ALLC: variants seen among roughly 807,000 people sequenced by gnomAD.
ALLC encodes the protein probable inactive allantoicase.
A neutral mutation model predicts 45.0 loss-of-function variants in ALLC; 40 were observed. The observed-to-expected ratio is 0.89, with a 90% CI of 0.69 to 1.16. The LOEUF (loss-of-function observed/expected upper bound fraction) is 1.16, where lower values mean the gene tolerates loss of function less well. ALLC is among the 50% of genes most tolerant of loss of function. ALLC has a pLI of 0.00. For missense variants in ALLC, 488 were observed against 493.1 expected (o/e 0.99, Z 0.10); for synonymous variants, 176 against 178.1 (o/e 0.99, Z 0.09).
In ALLC at chr2:3,696,182, G is replaced by T. The variant is rs1572532423; in HGVS notation, c.668-93G>T. 3 of 999,546 alleles carry T rather than the reference G, an allele frequency of 3.0e-6. No individual in the cohort carries two copies. The Admixed American group carries it at 7.4e-5, about 25-fold the overall frequency. The allele number at this position is 999,546 out of a possible 1,614,324, so 61.9% of individuals were successfully genotyped here. ...AAAATAACTTATGTAGCAATGCTCA[G>T]ATGCATAAGATCTGTAATTTAATTA... is the stretch of plus-strand genomic sequence containing the variant. On this transcript the variant is annotated intron_variant, in intron 8 of 11. Transcript: ENST00000252505.
At chr2:3,671,450 C>T (rs1029995465) in intron 2 of ALLC, among the ~76,000 whole-genome samples, 10 of 152,246 alleles carry the variant, frequency 6.6e-5, no homozygotes, top group African/African-American at 7.2e-5. Flanking sequence ...GATAGGCAGG[C>T]GGTCCTCTAG....
chr2:3,666,329 G>C (rs1666723640), intron 1 of ALLC, among the ~76,000 whole-genome samples: 1 of 152,238 alleles, frequency 6.6e-6, no homozygotes, highest in Non-Finnish European at 1.5e-5. Flanking sequence ...CCAGTGTTTT[G>C]TAGTGACTTA....
the ALLC span, among the ~76,000 whole-genome samples, chr2:3,649,534 C>T: frequency 6.7e-4 from 102 of 152,310 alleles, no homozygotes; most frequent in Middle Eastern, 3.4e-3. Context: ...AGCCACCGCG[C>T]CCGGCCCCCA....
intron 3 of ALLC, among the ~76,000 whole-genome samples, chr2:3,677,437 T>C (rs1350080768): frequency 6.6e-6 from 1 of 152,212 alleles, no homozygotes; most frequent in Non-Finnish European, 1.5e-5. Context: ...GTGATTTGAT[T>C]GTAATAACAT....
chr2:3,672,774 G>C lies in ALLC; in HGVS notation c.34-1301G>C, dbSNP rs983707485. On this transcript the variant is annotated intron_variant, in intron 2 of 11. Coordinates refer to ENST00000252505, the MANE Select transcript of ALLC (RefSeq NM_018436.4). ...GAGGTCCTCTGGCTCTGGTTAGATC[G>C]GAGGTCCTCTGGCTGTAGTTAGACC... Among the ~76,000 whole-genome samples, 7 of 151,972 alleles carry C rather than the reference G, an allele frequency of 4.6e-5. No individual in the cohort carries two copies. The South Asian group carries it at 1.3e-3, about 27-fold the overall frequency.
In ALLC at chr2:3,671,759, C is replaced by G. The variant is rs868480589; in HGVS notation, c.33+569C>G. On this transcript the variant is annotated intron_variant, in intron 2 of 11. Coordinates refer to ENST00000252505, the MANE Select transcript of ALLC (RefSeq NM_018436.4). ...GGAGGTCCTCTGGCTCTGGTTAGAT[C>G]GGAGGTCCTCTGGCTCTGGTTAGAT... Among the ~76,000 whole-genome samples, 708 of 79,194 alleles carry G rather than the reference C, an allele frequency of 8.9e-3. 7 individuals are homozygous for G. Among genetic ancestry groups the G allele is most frequent in the African/African-American group, 0.021 (355 of 17,124 alleles). The allele number at this position is 79,194 out of a possible 152,430, so 52.0% of individuals were successfully genotyped here. A position where few individuals can be genotyped will look rare whatever the true frequency, so the allele number is the denominator to read the frequency against.
At chr2:3,666,212 A>T (rs1369202696) in intron 1 of ALLC, among the ~76,000 whole-genome samples, 2 of 152,308 alleles carry the variant, frequency 1.3e-5, no homozygotes, top group African/African-American at 4.8e-5. Context: ...GGAACATTAC[A>T]TTAATTACTT....
chr2:3,674,999 G>A (rs377594772), intron 3 of ALLC, among the ~76,000 whole-genome samples: 16 of 152,124 alleles, frequency 1.1e-4, no homozygotes, highest in Non-Finnish European at 2.2e-4. Flanking sequence ...ATTCATTCTG[G>A]TATTGTTTGG....
At chr2:3,670,156 A>G (rs1196841987) in intron 1 of ALLC, among the ~76,000 whole-genome samples, 1 of 152,208 alleles carries the variant, frequency 6.6e-6, no homozygotes, top group Non-Finnish European at 1.5e-5. Flanking sequence ...ACCACAGACT[A>G]TGGAAGTGCC....
intron 7 of ALLC, among the ~76,000 whole-genome samples, chr2:3,687,285 A>C (rs1488035428): frequency 2.0e-5 from 3 of 151,018 alleles, no homozygotes; most frequent in Non-Finnish European, 4.4e-5. Context: ...CCTGGAATGA[A>C]TTCCACTTGA....
intron 6 of ALLC, among the ~76,000 whole-genome samples, 200 bp from the exon 7 acceptor site, chr2:3,682,742 G>C (rs941619158): frequency 4.6e-5 from 7 of 152,232 alleles, no homozygotes; most frequent in African/African-American, 1.7e-4. Flanking sequence ...AGCCAGGATG[G>C]TCTCGATCTC....
At chr2:3,682,556 C>G (rs539435253) in intron 6 of ALLC, among the ~76,000 whole-genome samples, 3 of 152,298 alleles carry the variant, frequency 2.0e-5, no homozygotes, top group South Asian at 2.1e-4. Context: ...GACGGAGTCT[C>G]GCTCTGTGGC....
chr2:3,699,710 T>C (rs369452913), intron 10 of ALLC, among the ~76,000 whole-genome samples: 1 of 152,206 alleles, frequency 6.6e-6, no homozygotes, highest in African/African-American at 2.4e-5. Context: ...TGGGAGATTG[T>C]ATCTCCCAGT....
intron 7 of ALLC, among the ~76,000 whole-genome samples, chr2:3,689,156 T>G (rs1242397621): frequency 6.6e-6 from 1 of 150,990 alleles, no homozygotes; most frequent in Non-Finnish European, 1.5e-5. Context: ...TTTTGTTTCT[T>G]TTTAAAAAAA....
chr2:3,666,628 A>C (rs1666731870), intron 1 of ALLC, among the ~76,000 whole-genome samples: 1 of 152,262 alleles, frequency 6.6e-6, no homozygotes, highest in South Asian at 2.1e-4. Context: ...GTGGCACAGC[A>C]AACAGGGCAG....
At chr2:3,669,468 C>G (rs532165955) in intron 1 of ALLC, among the ~76,000 whole-genome samples, 14 of 150,732 alleles carry the variant, frequency 9.3e-5, no homozygotes, top group Admixed American at 7.3e-4. Context: ...AGCAAGACTC[C>G]GTCTCAAAAA....
intron 9 of ALLC, 43 bp downstream of exon 9, chr2:3,696,391 A>G (rs1667674038): frequency 1.3e-6 from 2 of 1,537,694 alleles, no homozygotes; most frequent in South Asian, 2.4e-5. Context: ...TTTTCTTAAA[A>G]GTATTTTTTG....
intron 2 of ALLC, among the ~76,000 whole-genome samples, chr2:3,672,267 C>G (rs1452994887): frequency 4.4e-5 from 5 of 112,472 alleles, no homozygotes; most frequent in African/African-American, 1.1e-4. Flanking sequence ...GGTCCTCTGG[C>G]TCTGGTTAGA....
intron 1 of ALLC, among the ~76,000 whole-genome samples, chr2:3,670,065 G>A (rs1033523004): frequency 3.9e-5 from 6 of 152,264 alleles, no homozygotes; most frequent in African/African-American, 1.4e-4. Context: ...AAGAACCAGC[G>A]AATCAGGATG....
Sources: allele counts gnomAD v4.1 joint callset (sites outside exome capture counted in the v4.1 genomes callset), GRCh38; gene constraint gnomAD v4.1.1; transcripts MANE v1.5; gene names NCBI Gene and HGNC (gene_info 2026-07-23, HGNC 2026-07-21).